The following CD5 variants were observed in gnomAD, a reference collection of about 807,000 sequenced individuals.
CD5 encodes the protein CD5 molecule, also known as T-cell surface glycoprotein CD5.
Under a neutral mutation model 60.3 loss-of-function variants are expected in CD5, and 36 were observed. That is an observed-to-expected ratio of 0.60 (90% confidence interval 0.46 to 0.79). The LOEUF is 0.79. Ranked by LOEUF, CD5 falls within the 30% of genes least tolerant of loss-of-function variation. CD5 has a pLI of 0.00. For synonymous variants in CD5, 230 were observed against 257.6 expected (o/e 0.89, Z 1.03); for missense variants, 540 against 630.6 (o/e 0.86, Z 1.54).
intron 7 of CD5, among the ~76,000 whole-genome samples, chr11:61,123,372 C>T (rs1861097300): frequency 6.6e-6 from 1 of 152,202 alleles, no homozygotes; most frequent in African/African-American, 2.4e-5. Flanking sequence ...CATCCCAGGC[C>T]TAGCCCCACC....
chr11:61,127,278 C>G lies in CD5; in HGVS notation c.*993C>G, dbSNP rs150891460. 7 of 152,372 alleles carry G rather than the reference C, an allele frequency of 4.6e-5. No homozygotes were observed. The highest frequency in any genetic ancestry group is 9.6e-5 in the African/African-American group (4 of 41,572). The allele number at this position is 152,372 out of a possible 1,614,324, so 9.4% of individuals were successfully genotyped here. On this transcript the variant is annotated 3_prime_UTR_variant, in exon 11 of 11. Coordinates refer to ENST00000347785, the MANE Select transcript of CD5 (RefSeq NM_014207.4). The stretch of plus-strand genomic sequence containing the variant: ...TTAACTGCAAGTGAGAAGAGGAGGT[C>G]TACCCAGGAGCCTCGGGTCTGATCA...
At position 61,125,162 on chromosome 11, in the gene CD5, G is replaced by T; in HGVS notation, c.1399+11G>T. 6.2e-7 allele frequency: 1 copy of T among 1,613,914 alleles called. No individual in the cohort carries two copies. On this transcript the variant is annotated intron_variant, in intron 9 of 10. Transcript: ENST00000347785. The stretch of plus-strand genomic sequence containing the variant: ...TGTCAGCTTATCCAGGTAAGCACCA[G>T]CGGGTGCTCCCAGGCACGCAGGCAG...
At chr11:61,104,046 G>C (rs1860742895) in intron 1 of CD5, among the ~76,000 whole-genome samples, 1 of 142,704 alleles carries the variant, frequency 7.0e-6, no homozygotes, top group Non-Finnish European at 1.5e-5. Flanking sequence ...CTGTGTATGG[G>C]GGAATGTGTG....
chr11:61,106,380 G>GC (rs1860779688), intron 1 of CD5, among the ~76,000 whole-genome samples: 1 of 152,130 alleles, frequency 6.6e-6, no homozygotes. Flanking sequence ...GGATGGCAGG[G>GC]CAAAGGCAAG....
rs1451521231 is a variant in CD5 at position 61,118,521 on chromosome 11, C to T, written c.400+41C>T. The T allele has an allele frequency of 4.4e-6, 7 of 1,587,700 alleles. No individual in the cohort carries two copies. Among genetic ancestry groups the T allele is most frequent in the Admixed American group, 1.7e-5 (1 of 59,312 alleles). On this transcript the variant is annotated intron_variant, in intron 3 of 10. Coordinates refer to ENST00000347785, the MANE Select transcript of CD5 (RefSeq NM_014207.4). This position sits in a 1 kb window ranked among gnomAD's most constrained non-coding sequence, Gnocchi z 4.7. ...GCCACACGGGCACCCTGGGCCTGGGCGCCAGCCCCGAGGAGACTGCCCGAG... is the reference window on the plus strand; with the variant it reads ...GCCACACGGGCACCCTGGGCCTGGGTGCCAGCCCCGAGGAGACTGCCCGAG...
upstream of CD5, among the ~76,000 whole-genome samples, chr11:61,100,971 C>G (rs1296652351): frequency 8.1e-6 from 1 of 123,676 alleles, no homozygotes; most frequent in African/African-American, 3.3e-5. Flanking sequence ...ATGGAGATCA[C>G]ATTCACACAC....
At chr11:61,122,868 C>A (rs757097043) in intron 6 of CD5, 39 bp from the exon 7 acceptor site, 2 of 1,577,888 alleles carry the variant, frequency 1.3e-6, no homozygotes, top group Non-Finnish European at 1.7e-6. Context: ...TTTTCTCCCC[C>A]CAGGACTGGG....
intron 5 of CD5, 53 bp from the exon 6 acceptor site, chr11:61,121,558 C>T (rs1861059113): frequency 1.5e-6 from 2 of 1,376,392 alleles, no homozygotes; most frequent in South Asian, 1.8e-5. Flanking sequence ...GGAAGCAGCA[C>T]ACAGGCTCAG....
chr11:61,119,285 G>C lies in CD5; in HGVS notation c.515G>C (p.Gly172Ala). The change falls in exon 5 of 11, where the codon GGC becomes GCC. Residue 172 changes from glycine to alanine, a missense_variant. Physicochemically the swap from Gly to Ala is moderately conservative, Grantham distance 60. Transcript: ENST00000347785. ...VAQSGGQHCA[G>A]VVEFYSGSLG... ...CAGTCTGGCGGCCAGCACTGTGCCG[G>C]CGTGGTGGAGTTCTACAGCGGCAGC... The C allele has an allele frequency of 5.0e-6, 8 of 1,613,502 alleles. No individual in the cohort carries two copies. Among genetic ancestry groups the C allele is most frequent in the Non-Finnish European group, 6.8e-6 (8 of 1,179,946 alleles).
At chr11:61,113,901 C>T (rs1313576325) in intron 1 of CD5, among the ~76,000 whole-genome samples, 2 of 152,212 alleles carry the variant, frequency 1.3e-5, no homozygotes, top group Admixed American at 1.3e-4. Context: ...AACTCCTGAC[C>T]TCAAGTGATC....
In CD5 at chr11:61,119,474, T is replaced by C. The variant is rs1213239041; in HGVS notation, c.704T>C (p.Ile235Thr). 49 of 1,613,974 alleles carry C rather than the reference T, an allele frequency of 3.0e-5. No homozygotes were observed. The highest frequency in any genetic ancestry group is 4.0e-5 in the African/African-American group (3 of 74,888). Reference protein sequence around the residue: ...GEPREHQPLPIQWKIQNSSCT... With the variant: ...GEPREHQPLPTQWKIQNSSCT... ...CCACGGGAACACCAGCCCTTGCCAA[T>C]CCAATGGAAGATCCAGAACTCAAGC... Residue 235 changes from isoleucine (I) to threonine (T), a missense_variant, in exon 5 of 11, where the codon ATC becomes ACC. Coordinates refer to ENST00000347785, the MANE Select transcript of CD5 (RefSeq NM_014207.4).
At chr11:61,121,334 C>T (rs1364254128) in intron 5 of CD5, among the ~76,000 whole-genome samples, 1 of 152,264 alleles carries the variant, frequency 6.6e-6, no homozygotes, top group Non-Finnish European at 1.5e-5. Context: ...TGGTGGCTGC[C>T]AACAGCCTCC....
At position 61,125,813 on chromosome 11, in the gene CD5, G is replaced by A; in HGVS notation, c.1462G>A (p.Asp488Asn). 6.2e-7 allele frequency: 1 copy of A among 1,612,212 alleles called. No homozygotes were observed. Among genetic ancestry groups the A allele is most frequent in the African/African-American group, 1.3e-5 (1 of 74,988 alleles). ...QPDNSSDSDYDLHGAQRL is the reference protein window; with the variant it reads ...QPDNSSDSDYNLHGAQRL ...TGACAACTCCTCCGACAGTGACTAT[G>A]ATCTGCATGGGGCTCAGAGGCTGTA... The change falls in exon 10 of 11, where the codon GAT (aspartate) becomes AAT (asparagine). Residue 488 changes from aspartate to asparagine, a missense_variant. Asp to Asn is a conservative substitution (Grantham distance 23, BLOSUM62 1). Coordinates refer to ENST00000347785, the MANE Select transcript of CD5 (RefSeq NM_014207.4).
At chr11:61,123,855 C>T in intron 7 of CD5, 29 bp from the exon 8 acceptor site, 1 of 1,559,452 alleles carries the variant, frequency 6.4e-7, no homozygotes, top group Non-Finnish European at 8.8e-7. Flanking sequence ...CCCCACCACT[C>T]TGATGTGCCT....
rs1349594102 is a variant in CD5 at position 61,118,691 on chromosome 11, C to A, written c.400+211C>A. Reference sequence around the variant, plus strand: ...ATGGCAATGGAGGACCTAGTTCTGCCAATCACTGACTTCATCGTCGCCTCT... The same window carrying A: ...ATGGCAATGGAGGACCTAGTTCTGCAAATCACTGACTTCATCGTCGCCTCT... On this transcript the variant is annotated intron_variant, in intron 3 of 10. Transcript: ENST00000347785. The surrounding 1 kb of genome is among the most constrained non-coding windows in gnomAD (Gnocchi z 4.7). Among the ~76,000 whole-genome samples the A allele has an allele frequency of 2.6e-5, 4 of 152,240 alleles. No homozygotes were observed. The highest frequency in any genetic ancestry group is 5.9e-5 in the Non-Finnish European group (4 of 68,036).
intron 1 of CD5, 61 bp downstream of exon 1, chr11:61,102,676 T>G (rs758513616): frequency 3.6e-6 from 5 of 1,399,508 alleles, no homozygotes; most frequent in Non-Finnish European, 5.0e-6. Flanking sequence ...AAGGAAGGAG[T>G]TCCCAGTTTT....
At chr11:61,111,353 C>T (rs914572807) in intron 1 of CD5, among the ~76,000 whole-genome samples, 1 of 152,170 alleles carries the variant, frequency 6.6e-6, no homozygotes, top group Non-Finnish European at 1.5e-5. Flanking sequence ...AGGGCATTTG[C>T]CCTCTCCTGA....
intron 7 of CD5, 36 bp downstream of exon 7, chr11:61,123,068 G>C (rs760968026): frequency 6.4e-7 from 1 of 1,569,084 alleles, no homozygotes; most frequent in Non-Finnish European, 8.7e-7. Flanking sequence ...CCGTTCCCAC[G>C]TGCAGAGACT....
At position 61,118,118 on chromosome 11, in the gene CD5, G is replaced by GAGA. The variant is rs1860990898; in HGVS notation, c.95-57_95-56insAGA. 2 of 1,548,968 alleles carry GAGA rather than the reference G, an allele frequency of 1.3e-6. No homozygotes were observed. Among genetic ancestry groups the GAGA allele is most frequent in the Non-Finnish European group, 1.8e-6 (2 of 1,134,662 alleles). On this transcript the variant is annotated intron_variant, in intron 2 of 10. Transcript: ENST00000347785. This position sits in a 1 kb window ranked among gnomAD's most constrained non-coding sequence, Gnocchi z 4.7. ...GCGTCCTAGGGAGAGGGCAGTGAGG[G>GAGA]GTGCCAGTGGGGAACCCCTCCCAGC...
Sources: gnomAD v4.1 joint callset for allele counts (sites outside exome capture counted in the v4.1 genomes callset) on GRCh38, gnomAD v4.1.1 for gene constraint, Gnocchi (gnomAD v3.1) non-coding constraint, MANE v1.5 for transcripts, NCBI Gene and HGNC (gene_info 2026-07-23, HGNC 2026-07-21) for gene names.